The following DPYSL4 variants were observed in gnomAD, a reference collection of about 807,000 sequenced individuals.
DPYSL4 encodes dihydropyrimidinase-related protein 4.
A neutral mutation model predicts 63.4 loss-of-function variants in DPYSL4; 43 were observed. The ratio of observed to expected loss-of-function variants is 0.68; its 90% CI spans 0.53 to 0.88. DPYSL4 has a LOEUF of 0.88. Ranked by LOEUF, DPYSL4 falls within the 40% of genes least tolerant of loss-of-function variation. DPYSL4 has a pLI of 0.00. For missense variants in DPYSL4, 733 were observed against 819.5 expected (o/e 0.89, Z 1.29); for synonymous variants, 353 against 331.7 (o/e 1.06, Z -0.70).
chr10:132,197,629 G>A (rs1032238952), intron 6 of DPYSL4, among the ~76,000 whole-genome samples: 4 of 152,258 alleles, frequency 2.6e-5, no homozygotes, highest in African/African-American at 9.6e-5. Flanking sequence ...GGAGTTCAGA[G>A]AGTGGGCCAC....
chr10:132,198,450 C>A lies in DPYSL4; in HGVS notation c.657C>A (p.Gly219=), dbSNP rs1177289097. 6.2e-7 allele frequency: 1 copy of A among 1,606,772 alleles called. No individual in the cohort carries two copies. Among genetic ancestry groups the A allele is most frequent in the Admixed American group, 1.7e-5 (1 of 59,452 alleles). Residue 219 remains glycine (G), a synonymous_variant, in exon 7 of 14, where the codon GGC becomes GGA. Transcript: ENST00000338492. ...QKRLLELGIT[G]PEGHVLSHPE... is the part of the protein sequence containing the mutation. The stretch of plus-strand genomic sequence containing the variant: ...GGTTGCTGGAGCTCGGCATCACTGG[C>A]CCCGAGGGCCACGTGCTCAGCCACC...
intron 6 of DPYSL4, 104 bp from the exon 7 acceptor site, chr10:132,198,311 G>A: frequency 8.8e-7 from 1 of 1,133,640 alleles, no homozygotes; most frequent in Non-Finnish European, 1.3e-6. Context: ...AGGCCTGGGG[G>A]TCCAGGACCA....
intron 11 of DPYSL4, among the ~76,000 whole-genome samples, chr10:132,202,372 C>T (rs1291236683): frequency 3.9e-5 from 6 of 152,378 alleles, no homozygotes; most frequent in Non-Finnish European, 7.3e-5. Flanking sequence ...CCGTGTGCAC[C>T]TGCCTAGCCA....
chr10:132,188,470 C>G lies in DPYSL4; in HGVS notation c.39+1368C>G, dbSNP rs146122936. Among the ~76,000 whole-genome samples the G allele has an allele frequency of 2.6e-4, 40 of 152,316 alleles. No individual in the cohort carries two copies. In the East Asian group the frequency reaches 7.0e-3, roughly 26 times the overall value. On this transcript the variant is annotated intron_variant, in intron 1 of 13. Coordinates refer to ENST00000338492, the MANE Select transcript of DPYSL4 (RefSeq NM_006426.3). ...GGAAAGTGAAGAAGAGGGACAGCAC[C>G]GGGAAGGCAGCCAGGGCCTGATGCG...
intron 1 of DPYSL4, among the ~76,000 whole-genome samples, chr10:132,189,064 C>G (rs1005242150): frequency 1.3e-5 from 2 of 152,336 alleles, no homozygotes; most frequent in Non-Finnish European, 1.5e-5. Context: ...ACCAATTGTG[C>G]ACTTCAGTTT....
At chr10:132,192,883 G>A (rs369537474) in intron 3 of DPYSL4, 41 bp downstream of exon 3, 71 of 1,547,816 alleles carry the variant, frequency 4.6e-5, no homozygotes, top group South Asian at 2.3e-4. Context: ...GGCAGCCAGC[G>A]TCTGCTGCCC....
intron 8 of DPYSL4, among the ~76,000 whole-genome samples, chr10:132,199,893 C>T (rs568849235): frequency 1.1e-4 from 16 of 152,030 alleles, no homozygotes; most frequent in African/African-American, 3.1e-4. Flanking sequence ...GTACCCCACC[C>T]GCCAGGCTCT....
At position 132,192,859 on chromosome 10, in the gene DPYSL4, C is replaced by T. The variant is rs1474111396; in HGVS notation, c.313+17C>T. ...CCATGATCTGTGAGTGTCTGGGTCTCCTCCTCTACAGGGGGCAGCCAGCGT... is the reference window on the plus strand; with the variant it reads ...CCATGATCTGTGAGTGTCTGGGTCTTCTCCTCTACAGGGGGCAGCCAGCGT... On this transcript the variant is annotated intron_variant, in intron 3 of 13. Transcript: ENST00000338492. 1.9e-6 allele frequency: 3 copies of T among 1,592,992 alleles called. No individual in the cohort carries two copies. Among genetic ancestry groups the T allele is most frequent in the Non-Finnish European group, 2.6e-6 (3 of 1,168,698 alleles).
intron 10 of DPYSL4, 116 bp from the exon 11 acceptor site, chr10:132,201,830 G>A: frequency 8.7e-7 from 1 of 1,145,634 alleles, no homozygotes; most frequent in South Asian, 1.6e-5. Context: ...GTCCTCACGG[G>A]GGCCTGGTGA....
chr10:132,193,647 G>A (rs1335595241), intron 3 of DPYSL4, among the ~76,000 whole-genome samples: 1 of 152,266 alleles, frequency 6.6e-6, no homozygotes, highest in Non-Finnish European at 1.5e-5. Context: ...GAGCCTAGCT[G>A]AACCTGGTTG....
intron 8 of DPYSL4, among the ~76,000 whole-genome samples, chr10:132,199,922 C>A (rs547984292): frequency 6.6e-6 from 1 of 152,178 alleles, no homozygotes; most frequent in African/African-American, 2.4e-5. Flanking sequence ...GGTGCCCCAC[C>A]CCACCTGGGA....
chr10:132,198,843 G>A lies in DPYSL4; in HGVS notation c.691-8G>A, dbSNP rs765025498. On this transcript the variant is annotated splice_region_variant and splice_polypyrimidine_tract_variant and intron_variant, in intron 7 of 13. Coordinates refer to ENST00000338492, the MANE Select transcript of DPYSL4 (RefSeq NM_006426.3). The stretch of plus-strand genomic sequence containing the variant: ...CGTGTGGCCTCATCCCTCTCATCTC[G>A]TCCCCAGGTGGAGGCTGAGGCGGTG... 2.5e-5 allele frequency: 41 copies of A among 1,612,612 alleles called. No homozygotes were observed. The East Asian group carries it at 5.3e-4, about 21-fold the overall frequency.
chr10:132,197,891 A>G (rs1342436004), intron 6 of DPYSL4, among the ~76,000 whole-genome samples: 1 of 152,130 alleles, frequency 6.6e-6, no homozygotes, highest in African/African-American at 2.4e-5. Flanking sequence ...CACCGTCAGG[A>G]GGTTGTCCTG....
intron 3 of DPYSL4, among the ~76,000 whole-genome samples, chr10:132,194,273 C>T (rs1042373394): frequency 6.6e-6 from 1 of 152,372 alleles, no homozygotes; most frequent in East Asian, 1.9e-4. Flanking sequence ...GGAGCTGTGT[C>T]TGGCTGCACC....
intron 7 of DPYSL4, 140 bp downstream of exon 7, chr10:132,198,623 C>T: frequency 9.3e-7 from 1 of 1,071,418 alleles, no homozygotes; most frequent in Admixed American, 2.5e-5. Flanking sequence ...CGTGAATCCT[C>T]CCCGTGCCAG....
chr10:132,192,931 G>A (rs1052185237), intron 3 of DPYSL4, 89 bp downstream of exon 3: 53 of 1,317,606 alleles, frequency 4.0e-5, no homozygotes, highest in Admixed American at 5.2e-5. Context: ...GAGGAGTGTC[G>A]CCTAAAGGTG....
intron 7 of DPYSL4, 22 bp downstream of exon 7, chr10:132,198,505 G>T: frequency 6.3e-7 from 1 of 1,583,704 alleles, no homozygotes; most frequent in South Asian, 1.1e-5. Flanking sequence ...GGGCACCACA[G>T]CACACCCGAG....
At chr10:132,199,059 C>A in intron 8 of DPYSL4, 88 bp downstream of exon 8, 2 of 1,503,922 alleles carry the variant, frequency 1.3e-6, no homozygotes, top group East Asian at 2.3e-5. Flanking sequence ...TTCCCTGAGT[C>A]CCTGCATCGG....
intron 6 of DPYSL4, 29 bp downstream of exon 6, chr10:132,197,130 AGGCACAG>A (rs1554967027): frequency 6.8e-7 from 1 of 1,467,930 alleles, no homozygotes; most frequent in Non-Finnish European, 9.1e-7. Context: ...GCCGTGGGGC[AGGCACAG>A]GGGCTGCCGT....
Sources: allele counts gnomAD v4.1 joint callset (sites outside exome capture counted in the v4.1 genomes callset), GRCh38; gene constraint gnomAD v4.1.1; transcripts MANE v1.5; gene names NCBI Gene and HGNC (gene_info 2026-07-23, HGNC 2026-07-21).